KIAA0319: variants seen among roughly 807,000 people sequenced by gnomAD.
KIAA0319 encodes dyslexia-associated protein KIAA0319.
KIAA0319 carries 83 observed loss-of-function variants against 108.4 expected under a neutral mutation model. The observed-to-expected ratio is 0.77, with a 90% CI of 0.64 to 0.92. The LOEUF is 0.92. Among genes scored for constraint, KIAA0319 ranks in the 40% least tolerant of loss-of-function variants. The pLI is 0.00. For missense variants in KIAA0319, 1,195 were observed against 1,322.4 expected (o/e 0.90, Z 1.49); for synonymous variants, 484 against 510.4 (o/e 0.95, Z 0.70).
intron 3 of KIAA0319, among the ~76,000 whole-genome samples, chr6:24,593,865 G>T (rs1255312664): frequency 1.3e-5 from 2 of 151,890 alleles, no homozygotes; most frequent in Non-Finnish European, 2.9e-5. Flanking sequence ...TATGAATAAA[G>T]AACATGGTTA....
At chr6:24,590,221 A>G (rs1768251984) in intron 3 of KIAA0319, among the ~76,000 whole-genome samples, 1 of 152,104 alleles carries the variant, frequency 6.6e-6, no homozygotes, top group African/African-American at 2.4e-5. Context: ...TACAAATAGT[A>G]ACTGAGCCCC....
In KIAA0319 at chr6:24,596,500, C is replaced by T. The variant is rs372182752; in HGVS notation, c.174G>A (p.Thr58=). The change falls in exon 3 of 21, where the codon ACG becomes ACA. Residue 58 remains threonine, a synonymous_variant. Transcript: ENST00000378214. ...VSHTFPVVDC[T]AACCDLSSCD... Reference sequence around the variant, plus strand: ...AGCTGGACAGGTCACAGCAAGCGGCCGTGCAGTCTACGACAGGGAAGGTGT... The same window carrying T: ...AGCTGGACAGGTCACAGCAAGCGGCTGTGCAGTCTACGACAGGGAAGGTGT... 1.6e-4 allele frequency: 263 copies of T among 1,614,112 alleles called. 3 individuals are homozygous for T. The South Asian group carries it at 2.4e-3, about 15-fold the overall frequency.
At chr6:24,642,852 C>T (rs1050151777) in intron 1 of KIAA0319, among the ~76,000 whole-genome samples, 3 of 152,054 alleles carry the variant, frequency 2.0e-5, no homozygotes, top group Admixed American at 6.6e-5. Context: ...GGATTACAGG[C>T]GCCCACCACT....
At chr6:24,630,706 CATAT>C (rs71310725) in intron 1 of KIAA0319, among the ~76,000 whole-genome samples, 13,072 of 62,062 alleles carry the variant, frequency 0.21, 1,451 homozygotes, top group African/African-American at 0.36. Flanking sequence ...TATATATACA[CATAT>C]ACACACAAAC....
intron 1 of KIAA0319, among the ~76,000 whole-genome samples, chr6:24,640,873 C>T (rs1776826768): frequency 6.6e-6 from 1 of 152,070 alleles, no homozygotes; most frequent in Admixed American, 6.6e-5. Flanking sequence ...AGGCTGATCT[C>T]AACCTCCTGG....
At chr6:24,575,500 G>T (rs952776705) in intron 10 of KIAA0319, among the ~76,000 whole-genome samples, 24 of 151,988 alleles carry the variant, frequency 1.6e-4, no homozygotes, top group Admixed American at 8.5e-4. Context: ...GGTAGAGATG[G>T]ACACCACCAA....
intron 1 of KIAA0319, among the ~76,000 whole-genome samples, chr6:24,629,514 C>CAAAAAAAAAA (rs397974257): frequency 0.023 from 972 of 42,180 alleles, 192 homozygotes; most frequent in Non-Finnish European, 0.027. Flanking sequence ...GACTCTGTCT[C>CAAAAAAAAAA]AAAAAAAAAA....
chr6:24,552,448 A>C (rs1761648629), intron 19 of KIAA0319, among the ~76,000 whole-genome samples: 4 of 152,242 alleles, frequency 2.6e-5, no homozygotes, highest in Admixed American at 2.6e-4. Flanking sequence ...GTTTAATGCC[A>C]TACACAGTAG....
At chr6:24,615,486 T>A (rs1182082806) in intron 1 of KIAA0319, among the ~76,000 whole-genome samples, 1 of 152,048 alleles carries the variant, frequency 6.6e-6, no homozygotes. Flanking sequence ...GAAGTGATTA[T>A]GTGTGGAGGG....
Position 24,564,657 on chromosome 6 carries a change from G to A in KIAA0319, c.2293-317C>T, listed in dbSNP as rs977435568. Among the ~76,000 whole-genome samples, 2 of 152,152 alleles carry A rather than the reference G, an allele frequency of 1.3e-5. 1 individual carries two copies. The highest frequency in any genetic ancestry group is 4.1e-4 in the South Asian group (2 of 4,828). ...AGACCATTTGAATTAGGGCAAGGAC[G>A]CTGAGAACAAAGCACAGGTTTTCTG... On this transcript the variant is annotated intron_variant, in intron 14 of 20. Coordinates refer to ENST00000378214, the MANE Select transcript of KIAA0319 (RefSeq NM_014809.4).
At position 24,645,840 on chromosome 6, in the gene KIAA0319, T is replaced by TACACACACACACACAC. The variant is rs70974925; in HGVS notation, c.-226_-211dup. The stretch of plus-strand genomic sequence containing the variant: ...TCCTCCTCGTCGTCATCGCAGGTCT[T>TACACACACACACACAC]ACACACACACACACACACACACACA... On this transcript the variant is annotated 5_prime_UTR_variant, in exon 1 of 21. Transcript: ENST00000378214. 15 of 140,278 alleles carry TACACACACACACACAC rather than the reference T, an allele frequency of 1.1e-4. No individual in the cohort carries two copies. The highest frequency in any genetic ancestry group is 2.4e-4 in the South Asian group (1 of 4,172). 8.7% of individuals were successfully genotyped at this position (140,278 alleles called of 1,614,324 possible). A position where few individuals can be genotyped will look rare whatever the true frequency, so the allele number is the denominator to read the frequency against.
At chr6:24,572,761 AAATAGTATGACAG>A in intron 10 of KIAA0319, 63 bp from the exon 11 acceptor site, 1 of 1,427,544 alleles carries the variant, frequency 7.0e-7, no homozygotes, top group Non-Finnish European at 9.5e-7. Flanking sequence ...AAGCACAAGT[AAATAGTATGACAG>A]AATGAAAAAC....
chr6:24,609,290 GAAAAAAA>G (rs1011247669), intron 1 of KIAA0319, among the ~76,000 whole-genome samples: 1 of 91,476 alleles, frequency 1.1e-5, no homozygotes, highest in African/African-American at 4.2e-5. Flanking sequence ...AAAAAAAAAA[GAAAAAAA>G]AAAAAAGAAA....
chr6:24,547,379 C>T, intron 20 of KIAA0319, 36 bp from the exon 21 acceptor site: 1 of 1,572,260 alleles, frequency 6.4e-7, no homozygotes, highest in Non-Finnish European at 8.7e-7. Flanking sequence ...AGGAGGAACG[C>T]CGTGATTCAC....
intron 11 of KIAA0319, among the ~76,000 whole-genome samples, chr6:24,570,307 C>T (rs767361484): frequency 1.8e-4 from 27 of 152,054 alleles, no homozygotes; most frequent in Non-Finnish European, 3.5e-4. Flanking sequence ...GATCCTCAGT[C>T]GGCCGGGCAC....
At position 24,563,446 on chromosome 6, in the gene KIAA0319, T is replaced by C. The variant is rs772900886; in HGVS notation, c.2504A>G (p.Asp835Gly). 1.2e-6 allele frequency: 2 copies of C among 1,613,758 alleles called. No individual in the cohort carries two copies. The highest frequency in any genetic ancestry group is 3.3e-5 in the Admixed American group (2 of 59,992). The change falls in exon 16 of 21, where the codon GAC becomes GGC. Residue 835 changes from aspartate (D) to glycine (G), a missense_variant. Transcript: ENST00000378214. ...CACAGCCAGCTGCCTCACAAGGGTG[T>C]CCTTCCGCTGCTCTGTCAGCTGCCC... is the stretch of plus-strand genomic sequence containing the variant. Reference protein sequence around the residue: ...GVGQLTEQRKDTLVRQLAVLL... With the variant: ...GVGQLTEQRKGTLVRQLAVLL...
rs190980981 is a variant in KIAA0319, at chr6:24,643,529, T to G, written c.-106+2207A>C. On this transcript the variant is annotated intron_variant, in intron 1 of 20. Coordinates refer to ENST00000378214, the MANE Select transcript of KIAA0319 (RefSeq NM_014809.4). ...GGTATTAAGCTACCAGAATATTAAA[T>G]TGACATGATTTTATGATTTTGATTA... 1.2e-4 allele frequency among the ~76,000 whole-genome samples: 19 copies of G among 152,284 alleles called. No individual in the cohort carries two copies. In the East Asian group the frequency reaches 3.5e-3, roughly 28 times the overall value.
In KIAA0319 at chr6:24,547,310, C is replaced by A. The variant is rs369585660; in HGVS notation, c.3074G>T (p.Ser1025Ile). 6 of 1,614,044 alleles carry A rather than the reference C, an allele frequency of 3.7e-6. No individual in the cohort carries two copies. The African/African-American group carries it at 8.0e-5, about 22-fold the overall frequency. Reference protein sequence around the residue: ...IKHRSTEHNSSLMVSESEFDS... With the variant: ...IKHRSTEHNSILMVSESEFDS... Reference sequence around the variant, plus strand: ...AAACTCAGACTCGGATACCATCAGGCTGGAGTTGTGCTCTGTGCTTCGGTG... The same window carrying A: ...AAACTCAGACTCGGATACCATCAGGATGGAGTTGTGCTCTGTGCTTCGGTG... The change falls in exon 21 of 21, where the codon AGC (serine) becomes ATC (isoleucine). Residue 1025 changes from serine (S) to isoleucine (I), a missense_variant. Ser to Ile is a moderately radical substitution (Grantham distance 142). Coordinates refer to ENST00000378214, the MANE Select transcript of KIAA0319 (RefSeq NM_014809.4).
At chr6:24,642,808 T>C (rs1482298362) in intron 1 of KIAA0319, among the ~76,000 whole-genome samples, 1 of 151,934 alleles carries the variant, frequency 6.6e-6, no homozygotes, top group East Asian at 1.9e-4. Context: ...AACCTCCGCC[T>C]CCCGGAGTTC....
Sources: gnomAD v4.1 joint callset for allele counts (sites outside exome capture counted in the v4.1 genomes callset) on GRCh38, gnomAD v4.1.1 for gene constraint, MANE v1.5 for transcripts, NCBI Gene and HGNC (gene_info 2026-07-23, HGNC 2026-07-21) for gene names.